The following KCNIP4 variants were observed in gnomAD, a reference collection of about 807,000 sequenced individuals.
KCNIP4 encodes the protein potassium voltage-gated channel interacting protein 4, also known as Kv channel-interacting protein 4.
Under a neutral mutation model 34.0 loss-of-function variants are expected in KCNIP4, and 12 were observed. The observed-to-expected ratio is 0.35, with a 90% confidence interval of 0.23 to 0.57. The LOEUF (loss-of-function observed/expected upper bound fraction) is 0.57, where lower values mean the gene tolerates loss of function less well. KCNIP4 is among the 20% of genes least tolerant of loss of function. The probability of loss-of-function intolerance (pLI) is 0.83; values close to 1 mark genes in which losing one functional copy is unlikely to be tolerated. For missense variants in KCNIP4, 238 were observed against 311.7 expected (o/e 0.76, Z 1.78); for synonymous variants, 124 against 102.2 (o/e 1.21, Z -1.29).
chr4:20,732,683 G>GA lies in KCNIP4; in HGVS notation c.639dup (p.Gln214SerfsTer7). 6.2e-7 allele frequency: 1 copy of GA among 1,603,826 alleles called. No homozygotes were observed. Among genetic ancestry groups the GA allele is most frequent in the Non-Finnish European group, 8.5e-7 (1 of 1,171,122 alleles). Reference sequence around the variant, plus strand: ...TTGACTTCTGTTTTAATTCCTACCTGAAAAAATGTTTCAACGTGTTGTCTG... The same window carrying GA: ...TTGACTTCTGTTTTAATTCCTACCTGAAAAAAATGTTTCAACGTGTTGTCTG... On this transcript the variant is annotated frameshift_variant, in exon 7 of 9. Coordinates refer to ENST00000382152, the MANE Select transcript of KCNIP4 (RefSeq NM_025221.6). LOFTEE classifies it high-confidence loss of function.
intron 1 of KCNIP4, among the ~76,000 whole-genome samples, chr4:21,025,474 G>C (rs1280754797): frequency 6.8e-4 from 5 of 7,388 alleles, no homozygotes; most frequent in African/African-American, 2.1e-3. Flanking sequence ...GAAAACAACT[G>C]AGAGAGAGAG....
rs183834591 is a variant in KCNIP4, at chr4:20,946,945, T to C, written c.62-64236A>G. ...ATTCAGATGTATTGAATAAGAATCT[T>C]TGAGGATGAGCCTGCCTATATGTAT... On this transcript the variant is annotated intron_variant, in intron 1 of 8. Transcript: ENST00000382152. 2.3e-3 allele frequency among the ~76,000 whole-genome samples: 349 copies of C among 152,274 alleles called. 1 individual carries two copies. The highest frequency in any genetic ancestry group is 8.0e-3 in the African/African-American group (333 of 41,546).
chr4:21,886,587 C>T (rs1369484549), intron 1 of KCNIP4, among the ~76,000 whole-genome samples: 2 of 152,102 alleles, frequency 1.3e-5, no homozygotes, highest in Non-Finnish European at 2.9e-5. Context: ...CTACATAAAG[C>T]TTCCATCAAA....
rs750139848 is a variant in KCNIP4, at chr4:21,654,491, TA to T, written c.61+294079del. On this transcript the variant is annotated intron_variant, in intron 1 of 8. Transcript: ENST00000382152. ...GATCTTTGCTAACAAATACCTTGAT[TA>T]AAATGTTTTTTTTTTTTATCTAAAG... 3.6e-3 allele frequency among the ~76,000 whole-genome samples: 549 copies of T among 151,136 alleles called. 3 individuals are homozygous for T. Among genetic ancestry groups the T allele is most frequent in the African/African-American group, 0.013 (526 of 40,750 alleles).
At chr4:21,523,387 A>C (rs1050868230) in intron 1 of KCNIP4, among the ~76,000 whole-genome samples, 12 of 152,246 alleles carry the variant, frequency 7.9e-5, no homozygotes, top group Middle Eastern at 3.4e-3. Context: ...CACTGTTAAC[A>C]GTGACTTGAT....
At chr4:21,367,484 C>T (rs1391553274) in intron 1 of KCNIP4, among the ~76,000 whole-genome samples, 1 of 130,774 alleles carries the variant, frequency 7.6e-6, no homozygotes, top group Non-Finnish European at 1.5e-5. Context: ...ACTGGACATA[C>T]TTATTGCCTT....
intron 1 of KCNIP4, among the ~76,000 whole-genome samples, chr4:21,542,121 T>C (rs1737756013): frequency 6.6e-6 from 1 of 152,164 alleles, no homozygotes. Flanking sequence ...TATGGGTTCA[T>C]AGCTTTTTAT....
chr4:21,165,955 G>A (rs926912097), intron 1 of KCNIP4, among the ~76,000 whole-genome samples: 1 of 152,154 alleles, frequency 6.6e-6, no homozygotes, highest in Non-Finnish European at 1.5e-5. Flanking sequence ...CTTCCACCTT[G>A]GGAGGACACA....
intron 1 of KCNIP4, among the ~76,000 whole-genome samples, chr4:20,965,075 A>G (rs1734218535): frequency 6.6e-6 from 1 of 152,172 alleles, no homozygotes; most frequent in Non-Finnish European, 1.5e-5. Context: ...TTTAACTTTT[A>G]ACCTTCTGTT....
chr4:21,667,767 G>A (rs894317255), intron 1 of KCNIP4, among the ~76,000 whole-genome samples: 23 of 152,192 alleles, frequency 1.5e-4, no homozygotes, highest in African/African-American at 5.3e-4. Flanking sequence ...GGAGAATTAA[G>A]CTAAAGCTTA....
intron 3 of KCNIP4, among the ~76,000 whole-genome samples, chr4:20,764,681 G>GACACACGCACACACACAC (rs71653898): frequency 1.5e-4 from 22 of 147,220 alleles, no homozygotes; most frequent in African/African-American, 5.6e-4. Flanking sequence ...ATGGGAATTG[G>GACACACGCACACACACAC]ACACACACAC....
At chr4:21,390,328 T>G (rs1394156996) in intron 1 of KCNIP4, among the ~76,000 whole-genome samples, 18 of 152,226 alleles carry the variant, frequency 1.2e-4, no homozygotes. Flanking sequence ...TTGTCAATTT[T>G]GGCTTTTGTT....
At chr4:20,754,327 G>A (rs62411666) in intron 4 of KCNIP4, among the ~76,000 whole-genome samples, 3,492 of 152,248 alleles carry the variant, frequency 0.023, 60 homozygotes, top group Non-Finnish European at 0.033. Flanking sequence ...ATAAGACAAA[G>A]CACTTTCCTG....
intron 1 of KCNIP4, among the ~76,000 whole-genome samples, chr4:21,170,971 G>A (rs1046711895): frequency 4.6e-5 from 7 of 152,156 alleles, no homozygotes; most frequent in African/African-American, 1.7e-4. Context: ...ATAGAAAAGA[G>A]CTTTGCCTTA....
chr4:21,407,589 G>T (rs1217763728), intron 1 of KCNIP4, among the ~76,000 whole-genome samples: 2 of 152,086 alleles, frequency 1.3e-5, no homozygotes, highest in Non-Finnish European at 2.9e-5. Context: ...GGTGAGAGCA[G>T]CTAAATATCT....
intron 1 of KCNIP4, among the ~76,000 whole-genome samples, chr4:21,467,098 A>G (rs55998092): frequency 4.8e-5 from 6 of 125,016 alleles, no homozygotes; most frequent in South Asian, 2.4e-4. Context: ...ACACACACAC[A>G]CACACACACA....
intron 1 of KCNIP4, among the ~76,000 whole-genome samples, chr4:20,919,479 A>C (rs1355181610): frequency 6.6e-6 from 1 of 151,830 alleles, no homozygotes; most frequent in Non-Finnish European, 1.5e-5. Flanking sequence ...CGAGGCGGGC[A>C]GATCCCAAGG....
At chr4:21,637,256 C>T (rs571353660) in intron 1 of KCNIP4, among the ~76,000 whole-genome samples, 6 of 152,152 alleles carry the variant, frequency 3.9e-5, no homozygotes, top group South Asian at 2.1e-4. Context: ...ATTTTAAAGA[C>T]GAGGAACCAA....
chr4:20,738,716 A>G (rs7660006), intron 5 of KCNIP4, among the ~76,000 whole-genome samples: 49,986 of 152,108 alleles, frequency 0.33, 8,753 homozygotes, highest in African/African-American at 0.44. Context: ...CAACTGAGGT[A>G]CCAGGTTCAT....
Sources: gnomAD v4.1 joint callset for allele counts (sites outside exome capture counted in the v4.1 genomes callset) on GRCh38, gnomAD v4.1.1 for gene constraint, MANE v1.5 for transcripts, NCBI Gene and HGNC (gene_info 2026-07-23, HGNC 2026-07-21) for gene names.